Variants in SHISA9 observed in about 807,000 individuals in gnomAD.
SHISA9 encodes protein shisa-9.
SHISA9 carries 13 observed loss-of-function variants against 38.0 expected under a neutral mutation model. That is an observed-to-expected ratio of 0.34 (90% CI 0.22 to 0.54). The LOEUF is 0.54. Among genes scored for constraint, SHISA9 ranks in the 20% least tolerant of loss-of-function variants. SHISA9 has a pLI of 0.91. For missense variants in SHISA9, 538 were observed against 575.8 expected, an observed-to-expected ratio of 0.93 and a Z score of 0.67; for synonymous variants, 275 against 242.0, an observed-to-expected ratio of 1.14 and a Z score of -1.27.
At chr16:13,013,346 G>T (rs372551780) in intron 2 of SHISA9, among the ~76,000 whole-genome samples, 24 of 152,274 alleles carry the variant, frequency 1.6e-4, no homozygotes, top group African/African-American at 5.3e-4. Flanking sequence ...TCTTAGCCTG[G>T]GGCCTGTCCT....
chr16:13,072,775 C>T (rs1012330898), intron 2 of SHISA9, among the ~76,000 whole-genome samples: 4 of 152,080 alleles, frequency 2.6e-5, no homozygotes, highest in African/African-American at 7.2e-5. Flanking sequence ...ATTCTCCTGC[C>T]TCAGCCTCCT....
chr16:13,398,202 T>A, the SHISA9 span, among the ~76,000 whole-genome samples: 2 of 152,220 alleles, frequency 1.3e-5, no homozygotes, highest in East Asian at 3.9e-4. Context: ...AATGCAACAT[T>A]TGGGCAGGAA....
chr16:13,204,210 G>GTCTGTCTATCTATCTA (rs200624271), intron 3 of SHISA9, among the ~76,000 whole-genome samples: 36 of 141,106 alleles, frequency 2.6e-4, no homozygotes, highest in East Asian at 1.7e-3. Context: ...CTGTCTGTCT[G>GTCTGTCTATCTATCTA]TCTATCTATC....
At chr16:13,296,273 T>G in the SHISA9 span, among the ~76,000 whole-genome samples, 1 of 151,970 alleles carries the variant, frequency 6.6e-6, no homozygotes, top group South Asian at 2.1e-4. Flanking sequence ...CAGAAACAGA[T>G]GCTGGGATTT....
intron 2 of SHISA9, among the ~76,000 whole-genome samples, chr16:13,173,368 G>A (rs2050704505): frequency 7.0e-6 from 1 of 143,192 alleles, no homozygotes; most frequent in South Asian, 2.2e-4. Context: ...TGGCATGTAT[G>A]TGTGCATGTA....
chr16:13,557,417 A>C, the SHISA9 span, among the ~76,000 whole-genome samples: 1 of 152,220 alleles, frequency 6.6e-6, no homozygotes, highest in Non-Finnish European at 1.5e-5. Context: ...ACTAAGGAGA[A>C]GCTCAGCCTG....
intron 2 of SHISA9, among the ~76,000 whole-genome samples, chr16:13,035,053 T>C (rs2073038268): frequency 6.6e-6 from 1 of 152,220 alleles, no homozygotes; most frequent in African/African-American, 2.4e-5. Context: ...TCAACATTAT[T>C]TGGTGGATTG....
chr16:13,534,026 G>A, the SHISA9 span, among the ~76,000 whole-genome samples: 3 of 151,736 alleles, frequency 2.0e-5, no homozygotes, highest in Admixed American at 6.6e-5. Context: ...CTCGTGATCC[G>A]CCCGCCTCAG....
the SHISA9 span, among the ~76,000 whole-genome samples, chr16:13,385,091 A>G: frequency 6.6e-6 from 1 of 152,224 alleles, no homozygotes; most frequent in Non-Finnish European, 1.5e-5. Context: ...GTGAATTAAA[A>G]TAACAATGCG....
At chr16:13,220,649 C>T (rs2051214486) in intron 4 of SHISA9, among the ~76,000 whole-genome samples, 1 of 152,056 alleles carries the variant, frequency 6.6e-6, no homozygotes, top group African/African-American at 2.4e-5. Context: ...GAAGACAGAC[C>T]ATGCAATGAA....
chr16:13,484,804 A>T, the SHISA9 span, among the ~76,000 whole-genome samples: 1 of 152,094 alleles, frequency 6.6e-6, no homozygotes, highest in Non-Finnish European at 1.5e-5. Context: ...ACTTTTAAAC[A>T]ACCAGATCTC....
At chr16:13,560,501 C>G in the SHISA9 span, among the ~76,000 whole-genome samples, 1 of 152,152 alleles carries the variant, frequency 6.6e-6, no homozygotes, top group African/African-American at 2.4e-5. Context: ...GTTTTCCACA[C>G]TATATAGACG....
chr16:13,104,510 T>TA (rs1447053413), intron 2 of SHISA9, among the ~76,000 whole-genome samples: 2 of 152,218 alleles, frequency 1.3e-5, no homozygotes, highest in Non-Finnish European at 2.9e-5. Context: ...TGGAATATAA[T>TA]TCAGCAATAG....
chr16:13,456,016 C>G, the SHISA9 span, among the ~76,000 whole-genome samples: 1 of 152,182 alleles, frequency 6.6e-6, no homozygotes, highest in Non-Finnish European at 1.5e-5. Flanking sequence ...CTCTCAGGAC[C>G]TGGCAGGTGT....
At chr16:13,277,312 C>T in the SHISA9 span, among the ~76,000 whole-genome samples, 1 of 152,130 alleles carries the variant, frequency 6.6e-6, no homozygotes, top group Non-Finnish European at 1.5e-5. Flanking sequence ...GTTTAGGTGA[C>T]TATGGCCTTA....
At chr16:13,272,810 T>C in the SHISA9 span, among the ~76,000 whole-genome samples, 2 of 152,126 alleles carry the variant, frequency 1.3e-5, no homozygotes, top group Non-Finnish European at 2.9e-5. Context: ...CTTTCTCTCT[T>C]CTTCTTTACA....
At chr16:13,302,661 G>A in the SHISA9 span, among the ~76,000 whole-genome samples, 4 of 152,040 alleles carry the variant, frequency 2.6e-5, no homozygotes, top group African/African-American at 7.2e-5. Context: ...GAATGGCCAC[G>A]GCCCACTTCC....
intron 2 of SHISA9, among the ~76,000 whole-genome samples, chr16:13,027,019 C>A (rs8056570): frequency 0.13 from 19,600 of 152,100 alleles, 2,242 homozygotes; most frequent in African/African-American, 0.29. Context: ...CTGAAAGAGA[C>A]CTGGAGCTTG....
the SHISA9 span, among the ~76,000 whole-genome samples, chr16:13,491,546 T>G: frequency 6.6e-6 from 1 of 152,076 alleles, no homozygotes; most frequent in Non-Finnish European, 1.5e-5. Flanking sequence ...TGGAGTGAAG[T>G]GGCACCATCT....
Sources: allele counts gnomAD v4.1 joint callset (sites outside exome capture counted in the v4.1 genomes callset), GRCh38; gene constraint gnomAD v4.1.1; transcripts MANE v1.5; gene names NCBI Gene and HGNC (gene_info 2026-07-23, HGNC 2026-07-21).